The following FHOD3 variants were observed in gnomAD, a reference collection of about 807,000 sequenced individuals.
FHOD3 encodes the protein FH1/FH2 domain-containing protein 3.
In FHOD3, 90 loss-of-function variants were observed where a neutral mutation model predicts 173.0. The observed-to-expected ratio is 0.52, with a 90% CI of 0.44 to 0.62. FHOD3 has a LOEUF of 0.62. Among genes scored for constraint, FHOD3 ranks in the 20% least tolerant of loss-of-function variants. FHOD3 has a pLI of 0.00. For synonymous variants in FHOD3, 828 were observed against 823.0 expected (o/e 1.01, Z -0.10); for missense variants, 1,945 against 2,034.7 (o/e 0.96, Z 0.85).
intron 1 of FHOD3, among the ~76,000 whole-genome samples, chr18:36,312,376 AC>A (rs958002432): frequency 6.7e-6 from 1 of 150,354 alleles, no homozygotes; most frequent in African/African-American, 2.5e-5. Flanking sequence ...CTTTCTGACG[AC>A]CCCCTAGAGC....
chr18:36,535,225 A>C (rs916991819), intron 5 of FHOD3, among the ~76,000 whole-genome samples: 1 of 152,136 alleles, frequency 6.6e-6, no homozygotes, highest in Non-Finnish European at 1.5e-5. Flanking sequence ...ACTCTCTAAG[A>C]GTGAAAATAG....
At position 36,742,867 on chromosome 18, in the gene FHOD3, C is replaced by A; in HGVS notation, c.3879+11C>A. 1 of 1,608,048 alleles carries A rather than the reference C, an allele frequency of 6.2e-7. No individual in the cohort carries two copies. The highest frequency in any genetic ancestry group is 8.5e-7 in the Non-Finnish European group (1 of 1,177,894). ...CTAAATGGAACTAATGTAAGTCATCCCCATCCCTCATCCTGTAGCCCCCCC... is the reference window on the plus strand; with the variant it reads ...CTAAATGGAACTAATGTAAGTCATCACCATCCCTCATCCTGTAGCCCCCCC... On this transcript the variant is annotated intron_variant, in intron 22 of 28. Transcript: ENST00000590592.
intron 16 of FHOD3, 132 bp from the exon 17 acceptor site, chr18:36,693,077 C>T (rs1378450486): frequency 3.4e-6 from 3 of 891,612 alleles, no homozygotes; most frequent in Non-Finnish European, 5.1e-6. Flanking sequence ...CAGGCTGACT[C>T]TCCAGCCAGC....
intron 8 of FHOD3, among the ~76,000 whole-genome samples, 161 bp from the exon 9 acceptor site, chr18:36,611,791 C>T (rs2032706099): frequency 6.6e-6 from 1 of 152,196 alleles, no homozygotes; most frequent in African/African-American, 2.4e-5. Context: ...TTCTGCCTGC[C>T]ACACTGAAGA....
intron 3 of FHOD3, among the ~76,000 whole-genome samples, chr18:36,462,187 T>C (rs1396558015): frequency 1.3e-5 from 2 of 152,068 alleles, no homozygotes; most frequent in African/African-American, 4.8e-5. Context: ...ACCAGTGGGG[T>C]TGTTCACTCA....
chr18:36,392,843 T>G (rs1336330829), intron 3 of FHOD3, among the ~76,000 whole-genome samples: 1 of 152,254 alleles, frequency 6.6e-6, no homozygotes, highest in East Asian at 1.9e-4. Flanking sequence ...ATATAACTGC[T>G]GACACACAGC....
chr18:36,742,809 A>T lies in FHOD3; in HGVS notation c.3832A>T (p.Ile1278Phe). Reference sequence around the variant, plus strand: ...GGAGAACAATAAAACCTTGGGCTTTATCCTGTCTACTCTCTTAGCCATTGG... The same window carrying T: ...GGAGAACAATAAAACCTTGGGCTTTTTCCTGTCTACTCTCTTAGCCATTGG... ...QLENNKTLGF[I>F]LSTLLAIGNF... Residue 1278 changes from isoleucine (I) to phenylalanine (F), a missense_variant, in exon 22 of 29, where the codon ATC becomes TTC. Coordinates refer to ENST00000590592, the MANE Select transcript of FHOD3 (RefSeq NM_001281740.3). The T allele has an allele frequency of 6.2e-7, 1 of 1,614,082 alleles. No individual in the cohort carries two copies. The highest frequency in any genetic ancestry group is 1.1e-5 in the South Asian group (1 of 91,082).
intron 1 of FHOD3, among the ~76,000 whole-genome samples, chr18:36,340,864 C>T (rs889731370): frequency 1.3e-5 from 2 of 152,132 alleles, no homozygotes; most frequent in Non-Finnish European, 2.9e-5. Flanking sequence ...GTCTCGATCT[C>T]CTGGCCTCAT....
intron 10 of FHOD3, among the ~76,000 whole-genome samples, chr18:36,629,038 G>C (rs1454513197): frequency 6.6e-6 from 1 of 152,158 alleles, no homozygotes; most frequent in Admixed American, 6.5e-5. Flanking sequence ...AATGTTAACA[G>C]TTGTGCCATG....
intron 3 of FHOD3, among the ~76,000 whole-genome samples, chr18:36,406,192 A>C (rs551048693): frequency 1.3e-5 from 2 of 152,078 alleles, no homozygotes; most frequent in South Asian, 4.2e-4. Context: ...TGGAATGCTC[A>C]TCATGCTGGT....
intron 16 of FHOD3, 176 bp from the exon 17 acceptor site, chr18:36,693,033 T>C (rs1331373010): frequency 4.7e-6 from 3 of 633,266 alleles, no homozygotes; most frequent in Non-Finnish European, 8.4e-6. Context: ...GGATTTTTAA[T>C]CATTAGCATC....
intron 1 of FHOD3, among the ~76,000 whole-genome samples, chr18:36,323,510 G>A (rs139134037): frequency 1.3e-5 from 2 of 152,266 alleles, no homozygotes; most frequent in South Asian, 2.1e-4. Context: ...TATTCCCAGG[G>A]TTTCCTTGTG....
chr18:36,739,177 A>G (rs1194921714), intron 20 of FHOD3, among the ~76,000 whole-genome samples: 1 of 152,250 alleles, frequency 6.6e-6, no homozygotes, highest in East Asian at 1.9e-4. Context: ...TTCCAGGGCA[A>G]GACCAAAAAC....
chr18:36,758,583 G>T (rs2042730794), intron 25 of FHOD3, among the ~76,000 whole-genome samples: 1 of 152,196 alleles, frequency 6.6e-6, no homozygotes, highest in Admixed American at 6.5e-5. Flanking sequence ...CATATGGAAG[G>T]ACCAGCGGTA....
At chr18:36,527,117 T>C (rs1445232657) in intron 5 of FHOD3, among the ~76,000 whole-genome samples, 1 of 152,172 alleles carries the variant, frequency 6.6e-6, no homozygotes, top group African/African-American at 2.4e-5. Flanking sequence ...TGGCTGTTCT[T>C]CTGATTCCTG....
At chr18:36,306,479 T>C (rs1024918023) in intron 1 of FHOD3, among the ~76,000 whole-genome samples, 5 of 152,178 alleles carry the variant, frequency 3.3e-5, no homozygotes, top group African/African-American at 1.2e-4. Flanking sequence ...ACCAGATATG[T>C]TCCATTCAGT....
At chr18:36,315,182 G>A (rs1213675054) in intron 1 of FHOD3, among the ~76,000 whole-genome samples, 3 of 152,188 alleles carry the variant, frequency 2.0e-5, no homozygotes, top group Non-Finnish European at 4.4e-5. Flanking sequence ...CCACATAGTC[G>A]ATTCATATTG....
chr18:36,769,530 G>C, intron 28 of FHOD3, 104 bp downstream of exon 28: 3 of 1,416,308 alleles, frequency 2.1e-6, no homozygotes, highest in Non-Finnish European at 2.8e-6. Context: ...TGAATTGTCA[G>C]TGGCTCCCAG....
intron 3 of FHOD3, among the ~76,000 whole-genome samples, chr18:36,457,712 C>A (rs2052303848): frequency 6.6e-6 from 1 of 152,036 alleles, no homozygotes; most frequent in South Asian, 2.1e-4. Flanking sequence ...GTGTTTTTTT[C>A]TCTGAGTTGG....
Sources: gnomAD v4.1 joint callset for allele counts (sites outside exome capture counted in the v4.1 genomes callset) on GRCh38, gnomAD v4.1.1 for gene constraint, MANE v1.5 for transcripts, NCBI Gene and HGNC (gene_info 2026-07-23, HGNC 2026-07-21) for gene names.